The following PLEKHH2 variants were observed in gnomAD, a reference collection of about 807,000 sequenced individuals.
The protein encoded by PLEKHH2 is pleckstrin homology, MyTH4 and FERM domain containing H2, also known as pleckstrin homology domain-containing family H member 2.
In PLEKHH2, 129 loss-of-function variants were observed where a neutral mutation model predicts 187.9. The observed-to-expected ratio is 0.69, with a 90% CI of 0.59 to 0.79. The LOEUF (loss-of-function observed/expected upper bound fraction) is 0.79, where lower values mean the gene tolerates loss of function less well. Ranked by LOEUF, PLEKHH2 falls within the 30% of genes least tolerant of loss-of-function variation. The pLI is 0.00. For synonymous variants in PLEKHH2, 686 were observed against 605.6 expected, an observed-to-expected ratio of 1.13 and a Z score of -1.95; for missense variants, 2,076 against 1,751.2, an observed-to-expected ratio of 1.19 and a Z score of -3.31.
intron 27 of PLEKHH2, among the ~76,000 whole-genome samples, chr2:43,761,349 T>C (rs1291483021): frequency 1.3e-5 from 2 of 152,038 alleles, no homozygotes; most frequent in African/African-American, 4.8e-5. Context: ...GGTAGGAGAT[T>C]CTTTTTATTA....
At chr2:43,753,820 GAATT>G in intron 25 of PLEKHH2, 60 bp downstream of exon 25, 1 of 1,293,048 alleles carries the variant, frequency 7.7e-7, no homozygotes, top group South Asian at 1.7e-5. Context: ...TTTCTACACT[GAATT>G]AAACGTAAAA....
At chr2:43,675,307 G>C (rs2104412134) in intron 2 of PLEKHH2, 2 of 1,037,472 alleles carry the variant, frequency 1.9e-6, no homozygotes, top group Non-Finnish European at 2.8e-6. Flanking sequence ...CACTTACACT[G>C]TATCAGAATT....
intron 2 of PLEKHH2, among the ~76,000 whole-genome samples, chr2:43,666,437 C>T (rs896501101): frequency 1.4e-5 from 2 of 147,222 alleles, no homozygotes; most frequent in Non-Finnish European, 2.9e-5. Context: ...CCGTCTTCTG[C>T]GTCGCTCACG....
chr2:43,701,445 T>G (rs116316993), intron 8 of PLEKHH2, among the ~76,000 whole-genome samples: 148 of 152,250 alleles, frequency 9.7e-4, no homozygotes, highest in African/African-American at 3.4e-3. Flanking sequence ...GGTTCCTCCA[T>G]GTGGAAGGAA....
At chr2:43,675,830 AG>A in intron 2 of PLEKHH2, 3 of 1,614,022 alleles carry the variant, frequency 1.9e-6, no homozygotes, top group Non-Finnish European at 2.5e-6. Flanking sequence ...CCCAGATAGA[AG>A]GGCTGGGATG....
In PLEKHH2 at chr2:43,726,287, A is replaced by G; in HGVS notation, c.2557A>G (p.Ile853Val). 1.9e-6 allele frequency: 3 copies of G among 1,609,900 alleles called. No homozygotes were observed. The highest frequency in any genetic ancestry group is 1.3e-5 in the African/African-American group (1 of 74,960). ...TTTACTTTAGTTTCCTTTAGGTCAG[A>G]TCAAACTCTGGGAGGCTAAAGTGGA... ...SQEDKFPLGQ[I>V]KLWEAKVEEV... is the part of the protein sequence containing the mutation. The change falls in exon 17 of 30, where the codon ATC (isoleucine) becomes GTC (valine). Residue 853 changes from isoleucine (I) to valine (V), a missense_variant. Transcript: ENST00000282406.
At chr2:43,714,908 AAGG>A (rs935441824) in intron 15 of PLEKHH2, among the ~76,000 whole-genome samples, 1 of 152,208 alleles carries the variant, frequency 6.6e-6, no homozygotes, top group Non-Finnish European at 1.5e-5. Flanking sequence ...CCGAGTCTTC[AAGG>A]AGGAGTAGGA....
chr2:43,762,526 C>T, intron 28 of PLEKHH2, 136 bp downstream of exon 28: 3 of 598,670 alleles, frequency 5.0e-6, no homozygotes, highest in Non-Finnish European at 8.7e-6. Flanking sequence ...ATGTCATGAA[C>T]AGTCATTTTA....
intron 19 of PLEKHH2, among the ~76,000 whole-genome samples, chr2:43,737,713 G>C (rs370744699): frequency 1.3e-5 from 2 of 152,198 alleles, no homozygotes. Flanking sequence ...ATGATCTAAC[G>C]GGGAAAGAGA....
chr2:43,738,785 C>T (rs1048876115), intron 20 of PLEKHH2, among the ~76,000 whole-genome samples: 1 of 152,042 alleles, frequency 6.6e-6, no homozygotes, highest in African/African-American at 2.4e-5. Flanking sequence ...AGAAAATAAT[C>T]GTTTCCCCTA....
chr2:43,691,599 CA>C (rs1668799141), intron 3 of PLEKHH2, among the ~76,000 whole-genome samples: 1 of 152,160 alleles, frequency 6.6e-6, no homozygotes, highest in South Asian at 2.1e-4. Flanking sequence ...TGGGTTTCAC[CA>C]GGGACCTGCC....
intron 2 of PLEKHH2, among the ~76,000 whole-genome samples, chr2:43,673,117 T>G (rs1353726731): frequency 6.6e-6 from 1 of 152,220 alleles, no homozygotes; most frequent in East Asian, 1.9e-4. Flanking sequence ...AATGTTATAA[T>G]GGACCCTCCT....
At chr2:43,639,723 C>G (rs1027659193) in intron 1 of PLEKHH2, among the ~76,000 whole-genome samples, 23 of 137,776 alleles carry the variant, frequency 1.7e-4, no homozygotes, top group Non-Finnish European at 3.2e-4. Flanking sequence ...ATGGCAGGAT[C>G]TCAGCTCACT....
At chr2:43,726,157 A>T in intron 16 of PLEKHH2, 115 bp from the exon 17 acceptor site, 1 of 742,734 alleles carries the variant, frequency 1.3e-6, no homozygotes, top group Non-Finnish European at 2.1e-6. Flanking sequence ...TAAAAAATAA[A>T]GTAAAATTTT....
chr2:43,685,030 T>C (rs1668433433), intron 3 of PLEKHH2, among the ~76,000 whole-genome samples: 1 of 152,248 alleles, frequency 6.6e-6, no homozygotes, highest in African/African-American at 2.4e-5. Context: ...CATGCACTGA[T>C]GAAGTCACCT....
chr2:43,666,746 A>C (rs1667237892), intron 2 of PLEKHH2, among the ~76,000 whole-genome samples: 1 of 152,088 alleles, frequency 6.6e-6, no homozygotes, highest in Admixed American at 6.6e-5. Context: ...TGCTATCCAT[A>C]TTTATTTTTT....
At chr2:43,763,769 C>T (rs780540212) in intron 28 of PLEKHH2, among the ~76,000 whole-genome samples, 13 of 151,972 alleles carry the variant, frequency 8.6e-5, no homozygotes, top group Non-Finnish European at 1.6e-4. Flanking sequence ...AGGGTTAATA[C>T]GTGATACTGT....
chr2:43,737,699 G>C (rs1435948850), intron 19 of PLEKHH2, among the ~76,000 whole-genome samples: 1 of 152,180 alleles, frequency 6.6e-6, no homozygotes, highest in Middle Eastern at 3.2e-3. Context: ...CTTCCCCAGA[G>C]GAAATGATCT....
chr2:43,711,884 ACT>A (rs1373043701), intron 14 of PLEKHH2: 64 of 927,954 alleles, frequency 6.9e-5, no homozygotes, highest in African/African-American at 1.1e-4. Context: ...ACAGAAAGAG[ACT>A]CTGTCTCAAA....
Sources: gnomAD v4.1 joint callset for allele counts (sites outside exome capture counted in the v4.1 genomes callset) on GRCh38, gnomAD v4.1.1 for gene constraint, MANE v1.5 for transcripts, NCBI Gene and HGNC (gene_info 2026-07-23, HGNC 2026-07-21) for gene names.